Variants in CHIC1 observed in about 807,000 individuals in gnomAD.
CHIC1 encodes the protein cysteine rich hydrophobic domain 1.
In CHIC1, 7 loss-of-function variants were observed where a neutral mutation model predicts 18.5. The ratio of observed to expected loss-of-function variants is 0.38; its 90% CI spans 0.22 to 0.71. The LOEUF is 0.71. Ranked by LOEUF, CHIC1 falls within the 30% of genes least tolerant of loss-of-function variation. The pLI, the probability that CHIC1 is intolerant of heterozygous loss-of-function variation, is 0.49. For synonymous variants in CHIC1, 77 were observed against 73.5 expected, an observed-to-expected ratio of 1.05 and a Z score of -0.25; for missense variants, 159 against 176.9, an observed-to-expected ratio of 0.90 and a Z score of 0.57.
intron 3 of CHIC1, among the ~76,000 whole-genome samples, chrX:73,670,553 T>G (rs2058025099): frequency 9.0e-6 from 1 of 110,964 alleles, no homozygotes; most frequent in African/African-American, 3.3e-5. Context: ...TGGTTCTTGC[T>G]TTTCTAGTTC....
intron 3 of CHIC1, among the ~76,000 whole-genome samples, chrX:73,641,365 G>A (rs2057855252): frequency 9.1e-6 from 1 of 110,338 alleles, no homozygotes; most frequent in Non-Finnish European, 1.9e-5. Context: ...TGGTAATGTT[G>A]AGTTTGGGAC....
chrX:73,660,788 A>G (rs1015460364), intron 3 of CHIC1, among the ~76,000 whole-genome samples: 3 of 111,662 alleles, frequency 2.7e-5, no homozygotes, highest in Non-Finnish European at 3.8e-5. Flanking sequence ...GGGTATGAAC[A>G]CAAGCATATC....
rs760178594 is a variant in CHIC1, at chrX:73,667,003, C to G, written c.508-12323C>G. Reference sequence around the variant, plus strand: ...GGGAGTCTAAGCATTTTGAAAGTCTCTAAAAACTTGCTTTATGAATATGGG... The same window carrying G: ...GGGAGTCTAAGCATTTTGAAAGTCTGTAAAAACTTGCTTTATGAATATGGG... On this transcript the variant is annotated intron_variant, in intron 3 of 5. Transcript: ENST00000373502. Among the ~76,000 whole-genome samples, 40 of 111,762 alleles carry G rather than the reference C, an allele frequency of 3.6e-4. 1 individual carries two copies. The highest frequency in any genetic ancestry group is 1.3e-3 in the African/African-American group (40 of 30,753).
chrX:73,647,511 A>G (rs1029147396), intron 3 of CHIC1, among the ~76,000 whole-genome samples: 3 of 111,653 alleles, frequency 2.7e-5, no homozygotes, highest in South Asian at 3.7e-4. Flanking sequence ...TGAGGCCACA[A>G]TTTTCCCCTG....
At chrX:73,630,684 T>G (rs2057802931) in intron 3 of CHIC1, among the ~76,000 whole-genome samples, 1 of 110,893 alleles carries the variant, frequency 9.0e-6, no homozygotes, top group African/African-American at 3.4e-5. Context: ...TTCAGGGATA[T>G]TGGCCTATAA....
chrX:73,669,051 C>G (rs913495680), intron 3 of CHIC1, among the ~76,000 whole-genome samples: 1 of 111,683 alleles, frequency 9.0e-6, no homozygotes, highest in Non-Finnish European at 1.9e-5. Flanking sequence ...GGACGCACCT[C>G]AGGAGGAGGA....
intron 1 of CHIC1, 90 bp downstream of exon 1, chrX:73,563,670 G>C: frequency 2.2e-6 from 2 of 894,995 alleles, no homozygotes; most frequent in Non-Finnish European, 2.9e-6. Context: ...GAGTGGGGGA[G>C]GGTTGACTGA....
chrX:73,674,761 TC>T (rs1287778327), intron 3 of CHIC1, among the ~76,000 whole-genome samples: 1 of 111,495 alleles, frequency 9.0e-6, no homozygotes, highest in Non-Finnish European at 1.9e-5. Flanking sequence ...CTTATTTATT[TC>T]TTGCCTTCTG....
At chrX:73,584,197 A>G (rs2057541493) in intron 2 of CHIC1, among the ~76,000 whole-genome samples, 1 of 111,293 alleles carries the variant, frequency 9.0e-6, no homozygotes, top group South Asian at 3.7e-4. Flanking sequence ...TGGTCATTTC[A>G]GAAGATTGAT....
At chrX:73,622,508 G>A (rs1218132224) in intron 3 of CHIC1, among the ~76,000 whole-genome samples, 1 of 111,527 alleles carries the variant, frequency 9.0e-6, no homozygotes, top group Non-Finnish European at 1.9e-5. Flanking sequence ...TTCTGTGATG[G>A]TAGTTTGTGT....
intron 3 of CHIC1, among the ~76,000 whole-genome samples, chrX:73,665,566 C>T (rs182851953): frequency 1.7e-3 from 185 of 111,323 alleles, no homozygotes; most frequent in Non-Finnish European, 3.0e-3. Flanking sequence ...ACTGTTGTCC[C>T]ATGATGAAAC....
chrX:73,680,988 A>G lies in CHIC1; in HGVS notation c.658A>G (p.Ile220Val). ...ILIEFLPKYPIFRPD is the reference protein window; with the variant it reads ...ILIEFLPKYPVFRPD ...AATAGAATTCTTACCAAAATATCCC[A>G]TATTCCGACCTGACTGAGGAGTTTT... The change falls in exon 6 of 6, where the codon ATA (isoleucine) becomes GTA (valine). Residue 220 changes from isoleucine (I) to valine (V), a missense_variant. Ile to Val is a conservative substitution (Grantham distance 29). Transcript: ENST00000373502. 1 of 1,114,359 alleles carries G rather than the reference A, an allele frequency of 9.0e-7. No individual in the cohort carries two copies. The highest frequency in any genetic ancestry group is 1.2e-6 in the Non-Finnish European group (1 of 829,088). The allele number at this position is 1,114,359 out of a possible 1,213,427, so 91.8% of individuals were successfully genotyped here.
In CHIC1 at chrX:73,563,262, G is replaced by C. The variant is rs754463259; in HGVS notation, c.-23G>C. Reference sequence around the variant, plus strand: ...GGTTCAAACTCTTCTCCGGGAGCGTGGCGGCGATCGCGAGGTCACGTGATG... The same window carrying C: ...GGTTCAAACTCTTCTCCGGGAGCGTCGCGGCGATCGCGAGGTCACGTGATG... On this transcript the variant is annotated 5_prime_UTR_variant, in exon 1 of 6. Transcript: ENST00000373502. 4 of 1,090,713 alleles carry C rather than the reference G, an allele frequency of 3.7e-6. No individual in the cohort carries two copies. In the East Asian group the frequency reaches 1.0e-4, roughly 28 times the overall value. The allele number at this position is 1,090,713 out of a possible 1,213,427, so 89.9% of individuals were successfully genotyped here.
intron 3 of CHIC1, among the ~76,000 whole-genome samples, chrX:73,647,495 A>G (rs1448709981): frequency 1.8e-5 from 2 of 112,021 alleles, no homozygotes; most frequent in African/African-American, 6.5e-5. Flanking sequence ...AGCCATCTCT[A>G]TAGCTTGAGG....
At chrX:73,680,607 T>A (rs2058094035) in intron 5 of CHIC1, among the ~76,000 whole-genome samples, 1 of 111,388 alleles carries the variant, frequency 9.0e-6, no homozygotes, top group Non-Finnish European at 1.9e-5. Flanking sequence ...AGCATTTTTT[T>A]AATCTCTACT....
chrX:73,679,473 A>G (rs1226635770), intron 4 of CHIC1, 91 bp downstream of exon 4: 1 of 650,948 alleles, frequency 1.5e-6, no homozygotes, highest in African/African-American at 2.2e-5. Flanking sequence ...TTAGGCCACA[A>G]AGGAATGGAT....
At position 73,685,259 on chromosome X, in the gene CHIC1, C is replaced by T. The variant is rs1379712705; in HGVS notation, c.*4254C>T. ...TCCAAGAACCTGATGCTTGCTAGAC[C>T]TTAGTTCCTTGGTGATGCTAAGAGT... On this transcript the variant is annotated 3_prime_UTR_variant, in exon 6 of 6. Coordinates refer to ENST00000373502, the MANE Select transcript of CHIC1 (RefSeq NM_001039840.4). The T allele has an allele frequency of 2.7e-5, 3 of 111,416 alleles. No individual in the cohort carries two copies. The highest frequency in any genetic ancestry group is 5.7e-5 in the Non-Finnish European group (3 of 52,936). The allele number at this position is 111,416 out of a possible 1,213,427, so 9.2% of individuals were successfully genotyped here. A position where few individuals can be genotyped will look rare whatever the true frequency, so the allele number is the denominator to read the frequency against.
chrX:73,618,770 A>G (rs919717439), intron 3 of CHIC1, among the ~76,000 whole-genome samples: 2 of 112,198 alleles, frequency 1.8e-5, no homozygotes, highest in African/African-American at 3.2e-5. Flanking sequence ...TCTGTGCTAT[A>G]TCTGCACTCT....
chrX:73,655,284 G>A (rs922356905), intron 3 of CHIC1, among the ~76,000 whole-genome samples: 5 of 103,898 alleles, frequency 4.8e-5, no homozygotes, highest in Non-Finnish European at 9.9e-5. Context: ...GTGTGTGTGC[G>A]TGTGTGTGTG....
Sources: gnomAD v4.1 joint callset for allele counts (sites outside exome capture counted in the v4.1 genomes callset) on GRCh38, gnomAD v4.1.1 for gene constraint, MANE v1.5 for transcripts, NCBI Gene and HGNC (gene_info 2026-07-23, HGNC 2026-07-21) for gene names.